Variants in DCDC2C observed in about 807,000 individuals in gnomAD.
DCDC2C encodes the protein doublecortin domain containing 2C, also known as doublecortin domain-containing protein 2C.
In DCDC2C, 44 loss-of-function variants were observed where a neutral mutation model predicts 45.0. The observed-to-expected ratio is 0.98, with a 90% CI of 0.77 to 1.26. The LOEUF is 1.26. Among genes scored for constraint, DCDC2C ranks in the 50% most tolerant of loss-of-function variants. DCDC2C has a pLI of 0.00. For synonymous variants in DCDC2C, 187 were observed against 178.8 expected (o/e 1.05, Z -0.37); for missense variants, 447 against 468.9 (o/e 0.95, Z 0.43).
chr2:3,737,205 A>C (rs1669054860), intron 3 of DCDC2C, among the ~76,000 whole-genome samples: 1 of 152,150 alleles, frequency 6.6e-6, no homozygotes, highest in South Asian at 2.1e-4. Flanking sequence ...AGAGGTCCAG[A>C]GATAGAGCTA....
At chr2:3,758,670 A>G (rs1372484422) in intron 6 of DCDC2C, among the ~76,000 whole-genome samples, 1 of 152,174 alleles carries the variant, frequency 6.6e-6, no homozygotes, top group Non-Finnish European at 1.5e-5. Flanking sequence ...GCTTCAGGCA[A>G]CAAGGGTTTA....
At chr2:3,784,923 C>A in intron 9 of DCDC2C, 136 bp from the exon 10 acceptor site, 1 of 526,844 alleles carries the variant, frequency 1.9e-6, no homozygotes, top group Non-Finnish European at 2.9e-6. Flanking sequence ...AGGCTTTACG[C>A]CAAGCTCCTG....
chr2:3,765,369 G>A (rs773922768), intron 6 of DCDC2C, among the ~76,000 whole-genome samples: 18 of 152,202 alleles, frequency 1.2e-4, no homozygotes, highest in Non-Finnish European at 1.8e-4. Context: ...CAAAGAGACC[G>A]TTGAGGTGAG....
intron 8 of DCDC2C, among the ~76,000 whole-genome samples, chr2:3,774,639 T>C (rs938465239): frequency 6.6e-6 from 1 of 152,248 alleles, no homozygotes; most frequent in African/African-American, 2.4e-5. Flanking sequence ...ATGCCTCTCT[T>C]GTCCCTAGCC....
chr2:3,745,418 T>C lies in DCDC2C; in HGVS notation c.545+3370T>C, dbSNP rs570067485. ...AAAGACATTAGATCAATAAACTAAT[T>C]TATTTTTTTCCTGGACTTAAATTAG... On this transcript the variant is annotated intron_variant, in intron 4 of 10. Transcript: ENST00000399143. Among the ~76,000 whole-genome samples the C allele has an allele frequency of 1.6e-4, 25 of 152,324 alleles. No individual in the cohort carries two copies. In the South Asian group the frequency reaches 5.2e-3, roughly 32 times the overall value.
At chr2:3,722,069 G>T (rs1012175142) in intron 2 of DCDC2C, among the ~76,000 whole-genome samples, 1 of 152,158 alleles carries the variant, frequency 6.6e-6, no homozygotes, top group African/African-American at 2.4e-5. Context: ...ATCTCATTTC[G>T]TGTTACTCAC....
intron 8 of DCDC2C, 21 bp downstream of exon 8, chr2:3,769,432 G>T (rs1339409852): frequency 6.5e-7 from 1 of 1,545,156 alleles, no homozygotes; most frequent in East Asian, 2.4e-5. Flanking sequence ...GGGGTCCGAT[G>T]TCCATGCCGT....
At chr2:3,755,132 G>T (rs1284746209) in intron 6 of DCDC2C, among the ~76,000 whole-genome samples, 1 of 151,776 alleles carries the variant, frequency 6.6e-6, no homozygotes, top group Non-Finnish European at 1.5e-5. Context: ...CATGTGTGTG[G>T]AGGCATGTGT....
intron 2 of DCDC2C, 53 bp from the exon 3 acceptor site, chr2:3,726,950 T>G: frequency 6.0e-5 from 88 of 1,469,278 alleles, no homozygotes; most frequent in Middle Eastern, 1.7e-4. Flanking sequence ...TTGAGTTTGA[T>G]GAGTGTTGGC....
chr2:3,774,109 A>C (rs1670261888), intron 8 of DCDC2C, among the ~76,000 whole-genome samples: 1 of 152,266 alleles, frequency 6.6e-6, no homozygotes, highest in African/African-American at 2.4e-5. Flanking sequence ...AATTAGGAGA[A>C]GGTCAATCTA....
intron 10 of DCDC2C, among the ~76,000 whole-genome samples, chr2:3,810,735 C>T (rs1014349006): frequency 6.6e-6 from 1 of 152,144 alleles, no homozygotes; most frequent in African/African-American, 2.4e-5. Context: ...AGTCTTTAAT[C>T]CATCTTGAGT....
chr2:3,705,437 T>C (rs1393350910), intron 1 of DCDC2C, among the ~76,000 whole-genome samples: 1 of 152,238 alleles, frequency 6.6e-6, no homozygotes, highest in African/African-American at 2.4e-5. Context: ...TATCTAGAAC[T>C]GACATCCTAC....
intron 3 of DCDC2C, among the ~76,000 whole-genome samples, chr2:3,730,499 C>T (rs1668835566): frequency 6.6e-6 from 1 of 152,004 alleles, no homozygotes; most frequent in African/African-American, 2.4e-5. Context: ...GAAATAATAA[C>T]AAAAAACAAA....
chr2:3,772,538 A>G lies in DCDC2C; in HGVS notation c.954+3127A>G, dbSNP rs140457957. ...TGTGCAGAGGAGGACAAAATGGAGC[A>G]CGGCCTCACTGAATGTGGGCAGGGA... On this transcript the variant is annotated intron_variant, in intron 8 of 10. Coordinates refer to ENST00000399143, the MANE Select transcript of DCDC2C (RefSeq NM_001287444.2). Among the ~76,000 whole-genome samples, 15 of 152,276 alleles carry G rather than the reference A, an allele frequency of 9.9e-5. No individual in the cohort carries two copies. In the East Asian group the frequency reaches 2.7e-3, roughly 27 times the overall value.
intron 10 of DCDC2C, among the ~76,000 whole-genome samples, chr2:3,791,154 C>T (rs141415440): frequency 6.6e-6 from 1 of 152,216 alleles, no homozygotes; most frequent in East Asian, 1.9e-4. Flanking sequence ...AAGCTTGTAT[C>T]CCTCTATACA....
chr2:3,829,926 TTC>T (rs1412146429), intron 10 of DCDC2C, among the ~76,000 whole-genome samples: 4 of 152,250 alleles, frequency 2.6e-5, no homozygotes, highest in Non-Finnish European at 5.9e-5. Flanking sequence ...CAGTGTCAGC[TTC>T]TGAAGCTTGC....
At chr2:3,785,012 C>A (rs1670613053) in intron 9 of DCDC2C, 47 bp from the exon 10 acceptor site, 4 of 1,199,516 alleles carry the variant, frequency 3.3e-6, no homozygotes, top group African/African-American at 1.6e-5. Flanking sequence ...TATTTTACAA[C>A]ATCCTTCTTG....
In DCDC2C at chr2:3,767,752, A is replaced by T; in HGVS notation, c.727-2A>T. ...ACTTTCTCTTCTTCATTTGTCCTGT[A>T]GGTGGACTCCAAAGGAAAAGAACCT... is the stretch of plus-strand genomic sequence containing the variant. On this transcript the variant is annotated splice_acceptor_variant, in intron 6 of 10. Transcript: ENST00000399143. LOFTEE classifies it high-confidence loss of function. 6.4e-7 allele frequency: 1 copy of T among 1,550,614 alleles called. No homozygotes were observed. The highest frequency in any genetic ancestry group is 8.7e-7 in the Non-Finnish European group (1 of 1,146,900).
intron 10 of DCDC2C, among the ~76,000 whole-genome samples, chr2:3,846,951 G>A (rs1672348433): frequency 6.6e-6 from 1 of 152,212 alleles, no homozygotes; most frequent in East Asian, 1.9e-4. Context: ...CGGCGGTTCT[G>A]CACGGCGGCA....
Sources: gnomAD v4.1 joint callset for allele counts (sites outside exome capture counted in the v4.1 genomes callset) on GRCh38, gnomAD v4.1.1 for gene constraint, MANE v1.5 for transcripts, NCBI Gene and HGNC (gene_info 2026-07-23, HGNC 2026-07-21) for gene names.